Variants in ZNF775 observed in about 807,000 individuals in gnomAD.
ZNF775 encodes the protein zinc finger protein 775.
ZNF775 carries 1 observed loss-of-function variant against 2.4 expected under a neutral mutation model. The ratio of observed to expected loss-of-function variants is 0.41; its 90% CI spans 0.15 to 1.94. The LOEUF (loss-of-function observed/expected upper bound fraction) is 1.94. Among genes scored for constraint, ZNF775 ranks in the 30% most tolerant of loss-of-function variants. The pLI, the probability that ZNF775 is intolerant of heterozygous loss-of-function variation, is 0.30. For missense variants in ZNF775, 823 were observed against 826.6 expected (o/e 1.00, Z 0.05); for synonymous variants, 381 against 373.3 (o/e 1.02, Z -0.24).
rs1800544047 is a variant in ZNF775 at position 150,390,533 on chromosome 7, A to C, written c.31+2032A>C. 2.0e-5 allele frequency among the ~76,000 whole-genome samples: 3 copies of C among 152,156 alleles called. No individual in the cohort carries two copies. In the South Asian group the frequency reaches 6.2e-4, roughly 31 times the overall value. On this transcript the variant is annotated intron_variant, in intron 2 of 2. Coordinates refer to ENST00000329630, the MANE Select transcript of ZNF775 (RefSeq NM_173680.4). Reference sequence around the variant, plus strand: ...TGTATACATAGAGACATATGGTTTAATTTTTTATGAATTCAATCAGATGAT... The same window carrying C: ...TGTATACATAGAGACATATGGTTTACTTTTTTATGAATTCAATCAGATGAT...
chr7:150,379,363 T>A lies in ZNF775; in HGVS notation c.-79T>A, dbSNP rs1482509074. 6.6e-6 allele frequency: 1 copy of A among 151,990 alleles called. No individual in the cohort carries two copies. Among genetic ancestry groups the A allele is most frequent in the East Asian group, 1.9e-4 (1 of 5,168 alleles). The allele number at this position is 151,990 out of a possible 1,614,324, so 9.4% of individuals were successfully genotyped here. A position where few individuals can be genotyped will look rare whatever the true frequency, so the allele number is the denominator to read the frequency against. ...GCCCAAGTCGCCCTCGGGGTGGCAG[T>A]TCCCGTTAACCTTAGCCACAAAGTC... is the stretch of plus-strand genomic sequence containing the variant. On this transcript the variant is annotated 5_prime_UTR_variant, in exon 1 of 3. Coordinates refer to ENST00000329630, the MANE Select transcript of ZNF775 (RefSeq NM_173680.4).
At chr7:150,387,571 C>G (rs1395399097) in intron 1 of ZNF775, among the ~76,000 whole-genome samples, 1 of 152,138 alleles carries the variant, frequency 6.6e-6, no homozygotes, top group South Asian at 2.1e-4. Context: ...CCCAGCACTT[C>G]AGGAGACTGA....
In ZNF775 at chr7:150,397,174, G is replaced by A. The variant is rs1380959067; in HGVS notation, c.693G>A (p.Ala231=). The change falls in exon 3 of 3, where the codon GCG becomes GCA. Residue 231 remains alanine (A), a synonymous_variant. Coordinates refer to ENST00000329630, the MANE Select transcript of ZNF775 (RefSeq NM_173680.4). ...RAGLHELIQD[A]AARRACRLQP... ...GCCTGCACGAGCTGATTCAGGACGC[G>A]GCGGCGCGCCGGGCCTGTCGCCTGC... 38 of 1,352,250 alleles carry A rather than the reference G, an allele frequency of 2.8e-5. No homozygotes were observed. Among genetic ancestry groups the A allele is most frequent in the Non-Finnish European group, 3.4e-5 (36 of 1,058,856 alleles). The allele number at this position is 1,352,250 out of a possible 1,614,324, so 83.8% of individuals were successfully genotyped here.
intron 2 of ZNF775, among the ~76,000 whole-genome samples, chr7:150,393,903 C>T (rs1350669706): frequency 6.6e-6 from 1 of 152,202 alleles, no homozygotes; most frequent in Non-Finnish European, 1.5e-5. Context: ...CTCCTAACCT[C>T]AGGTGTTCCA....
At chr7:150,396,136 G>T (rs528700289) in intron 2 of ZNF775, among the ~76,000 whole-genome samples, 1 of 152,070 alleles carries the variant, frequency 6.6e-6, no homozygotes, top group Non-Finnish European at 1.5e-5. Flanking sequence ...TCACTGGATC[G>T]GTTTCTTTAA....
At position 150,397,779 on chromosome 7, in the gene ZNF775, G is replaced by A. The variant is rs373589647; in HGVS notation, c.1298G>A (p.Gly433Glu). 1.1e-4 allele frequency: 163 copies of A among 1,540,058 alleles called. 3 individuals carry two copies. The highest frequency in any genetic ancestry group is 1.3e-4 in the Non-Finnish European group (148 of 1,148,036). Residue 433 changes from glycine to glutamate, a missense_variant, in exon 3 of 3, where the codon GGA becomes GAA. Physicochemically the swap from Gly to Glu is moderately conservative, Grantham distance 98. Transcript: ENST00000329630. ...PGARDTLWGRGQAGLAGPGEP... is the reference protein window; with the variant it reads ...PGARDTLWGREQAGLAGPGEP... Reference sequence around the variant, plus strand: ...GCCCGGGACACGCTGTGGGGCCGGGGACAAGCGGGCCTCGCTGGGCCTGGC... The same window carrying A: ...GCCCGGGACACGCTGTGGGGCCGGGAACAAGCGGGCCTCGCTGGGCCTGGC...
At position 150,396,432 on chromosome 7, in the gene ZNF775, C is replaced by G. The variant is rs149136466; in HGVS notation, c.32-81C>G. On this transcript the variant is annotated intron_variant, in intron 2 of 2. Transcript: ENST00000329630. ...CTCTGCCCTCCTGCACCACTTCCCT[C>G]TCTCTTGCTCCTTCTCTCCATCCCA... 523 of 1,461,380 alleles carry G rather than the reference C, an allele frequency of 3.6e-4. 6 individuals carry two copies. The East Asian group carries it at 0.013, about 36-fold the overall frequency. The allele number at this position is 1,461,380 out of a possible 1,614,324, so 90.5% of individuals were successfully genotyped here.
At chr7:150,392,223 T>G (rs1156610545) in intron 2 of ZNF775, among the ~76,000 whole-genome samples, 1 of 152,220 alleles carries the variant, frequency 6.6e-6, no homozygotes, top group Non-Finnish European at 1.5e-5. Context: ...TAAACAATCT[T>G]CACTATGAAT....
intron 2 of ZNF775, among the ~76,000 whole-genome samples, chr7:150,393,095 G>A (rs1164826305): frequency 6.6e-6 from 1 of 152,120 alleles, no homozygotes; most frequent in African/African-American, 2.4e-5. Flanking sequence ...GTATCATACA[G>A]AATATTTCAC....
Position 150,397,568 on chromosome 7 carries a change from G to A in ZNF775, c.1087G>A (p.Ala363Thr), listed in dbSNP as rs756909700. ...LKHLRTHLPG[A>T]QAAPCPSCGK... ...GCACCTGCGCACGCACCTGCCCGGC[G>A]CCCAGGCTGCGCCCTGCCCCAGCTG... The change falls in exon 3 of 3, where the codon GCC becomes ACC. Residue 363 changes from alanine (A) to threonine (T), a missense_variant. Coordinates refer to ENST00000329630, the MANE Select transcript of ZNF775 (RefSeq NM_173680.4). The A allele has an allele frequency of 1.1e-5, 17 of 1,507,166 alleles. No individual in the cohort carries two copies. Among genetic ancestry groups the A allele is most frequent in the Non-Finnish European group, 1.5e-5 (17 of 1,135,082 alleles). 93.4% of individuals were successfully genotyped at this position (1,507,166 alleles called of 1,614,324 possible). A position where few individuals can be genotyped will look rare whatever the true frequency, so the allele number is the denominator to read the frequency against.
chr7:150,397,443 A>G lies in ZNF775; in HGVS notation c.962A>G (p.Lys321Arg), dbSNP rs1800691164. 6.3e-7 allele frequency: 1 copy of G among 1,594,940 alleles called. No homozygotes were observed. Among genetic ancestry groups the G allele is most frequent in the Non-Finnish European group, 8.5e-7 (1 of 1,174,806 alleles). Reference sequence around the variant, plus strand: ...GAGTGCGGCCGCCGCTTCAGCCAGAAGCCCAACTTGACGCGGCACCTGCGC... The same window carrying G: ...GAGTGCGGCCGCCGCTTCAGCCAGAGGCCCAACTTGACGCGGCACCTGCGC... ...CPECGRRFSQ[K>R]PNLTRHLRNH... is the part of the protein sequence containing the mutation. The change falls in exon 3 of 3, where the codon AAG becomes AGG. Residue 321 changes from lysine to arginine, a missense_variant. Lys to Arg is a conservative substitution (Grantham distance 26). Coordinates refer to ENST00000329630, the MANE Select transcript of ZNF775 (RefSeq NM_173680.4).
At chr7:150,390,220 G>A (rs897293773) in intron 2 of ZNF775, among the ~76,000 whole-genome samples, 27 of 151,974 alleles carry the variant, frequency 1.8e-4, no homozygotes, top group Admixed American at 4.6e-4. Context: ...CTGAACCCTC[G>A]GGAGTGTGCC....
At chr7:150,387,869 G>A (rs1373528483) in intron 1 of ZNF775, among the ~76,000 whole-genome samples, 5 of 152,076 alleles carry the variant, frequency 3.3e-5, no homozygotes, top group African/African-American at 9.7e-5. Context: ...ATGCCCAATT[G>A]ACCGTGTGTG....
chr7:150,394,767 G>T (rs912076713), intron 2 of ZNF775, among the ~76,000 whole-genome samples: 15 of 151,418 alleles, frequency 9.9e-5, no homozygotes, highest in Non-Finnish European at 2.1e-4. Context: ...TCTATTGGGA[G>T]TTTTTTCACT....
Position 150,397,795 on chromosome 7 carries a change from TG to T in ZNF775, c.1317del (p.Pro440LeufsTer50). On this transcript the variant is annotated frameshift_variant, in exon 3 of 3. Transcript: ENST00000329630. LOFTEE classifies it low-confidence loss of function (END_TRUNC). ...GGGGCCGGGGACAAGCGGGCCTCGCTGGGCCTGGCGAGCCGCGCCAGTTCAT... is the reference window on the plus strand; with the variant it reads ...GGGGCCGGGGACAAGCGGGCCTCGCTGGCCTGGCGAGCCGCGCCAGTTCAT... ...LWGRGQAGLA[G>X]PGEPRQFICN... 6.4e-7 allele frequency: 1 copy of T among 1,560,642 alleles called. No individual in the cohort carries two copies.
chr7:150,388,004 G>A (rs936145235), intron 1 of ZNF775, among the ~76,000 whole-genome samples: 1 of 152,030 alleles, frequency 6.6e-6, no homozygotes, highest in African/African-American at 2.4e-5. Flanking sequence ...CCTTCCGGGT[G>A]CATTCCTCAT....
At chr7:150,392,618 C>T (rs531017914) in intron 2 of ZNF775, among the ~76,000 whole-genome samples, 1 of 151,312 alleles carries the variant, frequency 6.6e-6, no homozygotes, top group East Asian at 1.9e-4. Context: ...ACTGCAGCCT[C>T]AGCCTCCTGG....
intron 2 of ZNF775, among the ~76,000 whole-genome samples, chr7:150,389,677 G>A (rs1800521967): frequency 6.6e-6 from 1 of 152,166 alleles, no homozygotes; most frequent in Non-Finnish European, 1.5e-5. Context: ...CCTCTCTACG[G>A]CAGCTTCTGG....
At position 150,397,069 on chromosome 7, in the gene ZNF775, C is replaced by T. The variant is rs1354662002; in HGVS notation, c.588C>T (p.Cys196=). The change falls in exon 3 of 3, where the codon TGC becomes TGT. Residue 196 remains cysteine, a synonymous_variant. Transcript: ENST00000329630. ...CCGCCACCCACTCGTGCCCCGAGTG[C>T]GAGCGCTGCTTCCGTCACCAGGTGG... ...SRPATHSCPE[C]ERCFRHQVGL... The T allele has an allele frequency of 2.5e-6, 4 of 1,588,412 alleles. No individual in the cohort carries two copies. Among genetic ancestry groups the T allele is most frequent in the Non-Finnish European group, 3.4e-6 (4 of 1,174,362 alleles).
Sources: gnomAD v4.1 joint callset for allele counts (sites outside exome capture counted in the v4.1 genomes callset) on GRCh38, gnomAD v4.1.1 for gene constraint, MANE v1.5 for transcripts, NCBI Gene and HGNC (gene_info 2026-07-23, HGNC 2026-07-21) for gene names.